The following MED13L variants were observed in gnomAD, a reference collection of about 807,000 sequenced individuals.
MED13L encodes the protein mediator of RNA polymerase II transcription subunit 13-like.
Under a neutral mutation model 220.9 loss-of-function variants are expected in MED13L, and 7 were observed. That is an observed-to-expected ratio of 0.03 (90% CI 0.02 to 0.06). The LOEUF (loss-of-function observed/expected upper bound fraction) is 0.06. Ranked by LOEUF, MED13L falls within the 10% of genes least tolerant of loss-of-function variation. The probability of loss-of-function intolerance (pLI) is 1.00; values close to 1 mark genes in which losing one functional copy is unlikely to be tolerated. For missense variants in MED13L, 1,965 were observed against 2,760.5 expected, an observed-to-expected ratio of 0.71 and a Z score of 6.46; for synonymous variants, 1,011 against 1,015.2, an observed-to-expected ratio of 1.00 and a Z score of 0.08.
chr12:116,064,564 A>G (rs945918317), intron 4 of MED13L, among the ~76,000 whole-genome samples: 3 of 152,214 alleles, frequency 2.0e-5, no homozygotes, highest in Non-Finnish European at 2.9e-5. Context: ...GAAAGCAAGA[A>G]GCTTTAACAA....
intron 2 of MED13L, among the ~76,000 whole-genome samples, chr12:116,113,982 T>C (rs1159374430): frequency 2.6e-5 from 4 of 152,152 alleles, no homozygotes; most frequent in African/African-American, 9.7e-5. Flanking sequence ...CCCTTTTTGT[T>C]TTTATTTTGA....
At chr12:116,103,926 C>T (rs571476674) in intron 3 of MED13L, among the ~76,000 whole-genome samples, 84 of 149,476 alleles carry the variant, frequency 5.6e-4, no homozygotes, top group African/African-American at 1.7e-3. Flanking sequence ...TCAACTAGGG[C>T]GGTACATCCC....
At chr12:116,114,591 T>C (rs1270272143) in intron 2 of MED13L, among the ~76,000 whole-genome samples, 2 of 149,248 alleles carry the variant, frequency 1.3e-5, no homozygotes, top group Non-Finnish European at 2.9e-5. Context: ...GGTAAGGATG[T>C]CTGCTCTCAC....
chr12:116,045,461 GCTT>G (rs1881776529), intron 4 of MED13L, among the ~76,000 whole-genome samples: 1 of 152,110 alleles, frequency 6.6e-6, no homozygotes, highest in Non-Finnish European at 1.5e-5. Context: ...GGTCTTTGGT[GCTT>G]CTTAACTGCC....
chr12:116,009,085 G>A lies in MED13L; in HGVS notation c.1328C>T (p.Thr443Ile), dbSNP rs779239191. Residue 443 changes from threonine to isoleucine, a missense_variant, in exon 10 of 31, where the codon ACA becomes ATA. Thr to Ile is a moderately conservative substitution (Grantham distance 89). This residue lies in a region of MED13L where 818 missense variants were observed against 1,041.2 expected (regional missense o/e 0.79). Transcript: ENST00000281928. ...RCAVGPNRPP[T>I]VSQPGFSAGP... ...TGCACTGAACCCTGGTTGAGATACT[G>A]TGGGAGGTCGATTGGGCCCGACTGC... The A allele has an allele frequency of 1.5e-5, 25 of 1,613,976 alleles. No homozygotes were observed. Among genetic ancestry groups the A allele is most frequent in the Admixed American group, 3.3e-5 (2 of 59,992 alleles).
intron 1 of MED13L, among the ~76,000 whole-genome samples, chr12:116,267,477 C>G (rs1021099851): frequency 6.6e-6 from 1 of 152,190 alleles, no homozygotes; most frequent in African/African-American, 2.4e-5. Context: ...TACTAAAGGT[C>G]TCTTCCTACT....
intron 1 of MED13L, 146 bp from the exon 2 acceptor site, chr12:116,237,851 T>C (rs1870239961): frequency 2.6e-6 from 2 of 757,276 alleles, no homozygotes; most frequent in Non-Finnish European, 4.5e-6. Context: ...GAAGAATGTA[T>C]GTCAATCTTC....
chr12:115,999,192 C>G (rs1008150679), intron 14 of MED13L, among the ~76,000 whole-genome samples: 10 of 152,102 alleles, frequency 6.6e-5, no homozygotes, highest in Non-Finnish European at 1.5e-4. Flanking sequence ...GCAGGCAGAT[C>G]ATTTGAGGTC....
At chr12:116,160,766 T>A (rs1281132404) in intron 2 of MED13L, among the ~76,000 whole-genome samples, 1 of 150,998 alleles carries the variant, frequency 6.6e-6, no homozygotes, top group Admixed American at 6.6e-5. Context: ...TATTTTTTTT[T>A]TTTTTGTAGA....
At chr12:116,238,267 C>T (rs896812312) in intron 1 of MED13L, among the ~76,000 whole-genome samples, 1 of 152,198 alleles carries the variant, frequency 6.6e-6, no homozygotes, top group African/African-American at 2.4e-5. Flanking sequence ...GCAATTTATT[C>T]ATGTTTTTTA....
At chr12:116,265,201 T>G (rs980077984) in intron 1 of MED13L, among the ~76,000 whole-genome samples, 3 of 152,240 alleles carry the variant, frequency 2.0e-5, no homozygotes, top group African/African-American at 7.2e-5. Context: ...AAAATCACCA[T>G]TATTTCATTT....
intron 4 of MED13L, among the ~76,000 whole-genome samples, chr12:116,027,011 A>G (rs1880434132): frequency 6.6e-6 from 1 of 152,226 alleles, no homozygotes; most frequent in Non-Finnish European, 1.5e-5. Flanking sequence ...GTACAAAACA[A>G]TATGAGTAAT....
chr12:115,969,449 T>C lies in MED13L; in HGVS notation c.6068-352A>G, dbSNP rs906643515. On this transcript the variant is annotated intron_variant, in intron 27 of 30. Transcript: ENST00000281928. Reference sequence around the variant, plus strand: ...AAATTGACACCATTCAAAAACACAGTAGACTCCATCTATGTATCCACTTAG... The same window carrying C: ...AAATTGACACCATTCAAAAACACAGCAGACTCCATCTATGTATCCACTTAG... Among the ~76,000 whole-genome samples, 4 of 152,206 alleles carry C rather than the reference T, an allele frequency of 2.6e-5. No homozygotes were observed. In the East Asian group the frequency reaches 7.7e-4, roughly 29 times the overall value.
At chr12:116,150,582 C>T (rs1296480634) in intron 2 of MED13L, among the ~76,000 whole-genome samples, 1 of 152,156 alleles carries the variant, frequency 6.6e-6, no homozygotes, top group Admixed American at 6.5e-5. Flanking sequence ...CTCAACTTCG[C>T]TAAGTGTTCC....
chr12:116,276,402 G>A lies in MED13L; in HGVS notation c.72+658C>T, dbSNP rs542733449. 37 of 1,280,070 alleles carry A rather than the reference G, an allele frequency of 2.9e-5. No homozygotes were observed. The South Asian group carries it at 3.3e-4, about 12-fold the overall frequency. The allele number at this position is 1,280,070 out of a possible 1,614,324, so 79.3% of individuals were successfully genotyped here. A position where few individuals can be genotyped will look rare whatever the true frequency, so the allele number is the denominator to read the frequency against. On this transcript the variant is annotated intron_variant, in intron 1 of 30. Transcript: ENST00000281928. The stretch of plus-strand genomic sequence containing the variant: ...AAACAGTTTTTAAAAGACACAGGAG[G>A]AGAGAAAGAAGAAAAAGCTTTCTCC...
intron 2 of MED13L, among the ~76,000 whole-genome samples, chr12:116,177,055 A>C (rs573430669): frequency 1.3e-5 from 2 of 152,236 alleles, no homozygotes; most frequent in South Asian, 4.1e-4. Flanking sequence ...AGTATCCAAA[A>C]ACACACATAC....
chr12:116,125,699 C>G (rs894688101), intron 2 of MED13L, among the ~76,000 whole-genome samples: 1 of 152,124 alleles, frequency 6.6e-6, no homozygotes, highest in African/African-American at 2.4e-5. Context: ...AGTCATGACT[C>G]CCCCAAAACT....
chr12:116,046,901 A>AG (rs1881871042), intron 4 of MED13L, among the ~76,000 whole-genome samples: 1 of 152,156 alleles, frequency 6.6e-6, no homozygotes, highest in African/African-American at 2.4e-5. Context: ...TGAACCTGGG[A>AG]GGCAGAGCTT....
intron 2 of MED13L, among the ~76,000 whole-genome samples, chr12:116,165,024 A>G (rs1212168399): frequency 6.6e-6 from 1 of 152,192 alleles, no homozygotes; most frequent in African/African-American, 2.4e-5. Context: ...TCTGCAATAC[A>G]TGGTTAAGAA....
Sources: allele counts gnomAD v4.1 joint callset (sites outside exome capture counted in the v4.1 genomes callset), GRCh38; gene constraint gnomAD v4.1.1; regional missense constraint gnomAD v4.1.1; transcripts MANE v1.5; gene names NCBI Gene and HGNC (gene_info 2026-07-23, HGNC 2026-07-21).